Variants in PUDP observed in about 807,000 individuals in gnomAD.
PUDP encodes pseudouridine-5'-phosphatase.
PUDP carries 8 observed loss-of-function variants against 9.4 expected under a neutral mutation model. That is an observed-to-expected ratio of 0.85 (90% CI 0.50 to 1.53). PUDP has a LOEUF of 1.53. Among genes scored for constraint, PUDP ranks in the 40% most tolerant of loss-of-function variants. PUDP has a pLI of 0.00. For missense variants in PUDP, 188 were observed against 189.7 expected (o/e 0.99, Z 0.05); for synonymous variants, 99 against 80.7 (o/e 1.23, Z -1.22).
At position 7,040,315 on chromosome X, in the gene PUDP, G is replaced by C. The variant is rs1157342375; in HGVS notation, c.204+36905C>G. ...TGTGCCTACCCGGAGCTGGGGGTCT[G>C]CTCTAGGAGCTGGTTCAGGACAGGT... On this transcript the variant is annotated intron_variant and NMD_transcript_variant, in intron 1 of 3. Coordinates refer to the PUDP transcript ENST00000655425. 5.4e-5 allele frequency among the ~76,000 whole-genome samples: 6 copies of C among 111,880 alleles called. No homozygotes were observed. The South Asian group carries it at 1.1e-3, about 21-fold the overall frequency.
chrX:7,072,809 G>C (rs1261412127), intron 3 of PUDP, among the ~76,000 whole-genome samples: 1 of 78,701 alleles, frequency 1.3e-5, no homozygotes, highest in East Asian at 4.5e-4. Context: ...GCAAGACTGT[G>C]TCTCAAAAAA....
intron 3 of PUDP, among the ~76,000 whole-genome samples, chrX:6,802,818 G>T (rs72609550): frequency 9.3e-6 from 1 of 107,613 alleles, no homozygotes; most frequent in Non-Finnish European, 1.9e-5. Context: ...CTGGGAGGCG[G>T]AAGTTGCAGT....
intron 1 of PUDP, among the ~76,000 whole-genome samples, chrX:7,023,349 A>T (rs1448411844): frequency 8.9e-6 from 1 of 112,256 alleles, no homozygotes; most frequent in Non-Finnish European, 1.9e-5. Flanking sequence ...GCAGGAAAAA[A>T]TGATACATAA....
At chrX:7,104,680 C>G (rs888640062) in intron 2 of PUDP, among the ~76,000 whole-genome samples, 1 of 111,466 alleles carries the variant, frequency 9.0e-6, no homozygotes, top group Non-Finnish European at 1.9e-5. Flanking sequence ...CTGAGTATCA[C>G]GATGCTCGTA....
At chrX:7,124,856 G>C (rs1260859353) in intron 1 of PUDP, among the ~76,000 whole-genome samples, 1 of 109,445 alleles carries the variant, frequency 9.1e-6, no homozygotes, top group Non-Finnish European at 1.9e-5. Flanking sequence ...GCTGAGGCAG[G>C]AGAATGGCGT....
chrX:6,886,063 C>T (rs1310386163), intron 3 of PUDP, among the ~76,000 whole-genome samples: 1 of 112,172 alleles, frequency 8.9e-6, no homozygotes, highest in Non-Finnish European at 1.9e-5. Flanking sequence ...ATTGCTATCA[C>T]GGTTCCCTGG....
chrX:6,735,792 G>C (rs1391932477), intron 3 of PUDP, among the ~76,000 whole-genome samples: 1 of 110,863 alleles, frequency 9.0e-6, no homozygotes, highest in East Asian at 2.8e-4. Context: ...TTTCCAAATA[G>C]GGAGGCCAAA....
At chrX:7,051,054 A>G (rs1387129494) in intron 3 of PUDP, among the ~76,000 whole-genome samples, 1 of 111,690 alleles carries the variant, frequency 9.0e-6, no homozygotes, top group African/African-American at 3.3e-5. Flanking sequence ...TTACAGACAC[A>G]ACACCATCCA....
At chrX:7,125,653 G>A (rs1932465442) in intron 1 of PUDP, among the ~76,000 whole-genome samples, 1 of 111,827 alleles carries the variant, frequency 8.9e-6, no homozygotes. Flanking sequence ...CTGAGAATGG[G>A]TAATTTATAA....
intron 3 of PUDP, among the ~76,000 whole-genome samples, chrX:6,816,253 T>G (rs1204228634): frequency 9.5e-6 from 1 of 105,663 alleles, no homozygotes; most frequent in African/African-American, 3.4e-5. Context: ...ATATGCAGTG[T>G]ATATATATTA....
chrX:7,041,570 G>T (rs1200602360), intron 1 of PUDP, among the ~76,000 whole-genome samples: 1 of 111,769 alleles, frequency 8.9e-6, no homozygotes, highest in Non-Finnish European at 1.9e-5. Context: ...GAGTTTAAAA[G>T]CTTCCCCTCC....
At chrX:6,809,708 T>C (rs1926111069) in intron 3 of PUDP, among the ~76,000 whole-genome samples, 1 of 111,332 alleles carries the variant, frequency 9.0e-6, no homozygotes, top group Admixed American at 9.6e-5. Flanking sequence ...GTCAAGATAA[T>C]ATGCAAACCA....
intron 1 of PUDP, among the ~76,000 whole-genome samples, chrX:7,115,615 T>A (rs973953767): frequency 2.9e-4 from 33 of 112,278 alleles, no homozygotes; most frequent in African/African-American, 1.1e-3. Flanking sequence ...ACAGCTGGGG[T>A]TGCCTTGGGC....
At chrX:6,724,023 A>G (rs1409857399), upstream of PUDP, among the ~76,000 whole-genome samples, 1 of 111,862 alleles carries the variant, frequency 8.9e-6, no homozygotes, top group Non-Finnish European at 1.9e-5. Flanking sequence ...AAAATTGGAA[A>G]GAAATCTGTT....
downstream of PUDP, among the ~76,000 whole-genome samples, chrX:7,044,231 AT>A (rs985550481): frequency 1.8e-5 from 2 of 112,507 alleles, no homozygotes; most frequent in African/African-American, 6.5e-5. Flanking sequence ...AAGGCTTAGT[AT>A]TTCCCCAAGT....
chrX:7,122,647 A>G (rs1932374809), intron 1 of PUDP, among the ~76,000 whole-genome samples: 1 of 111,882 alleles, frequency 8.9e-6, no homozygotes, highest in African/African-American at 3.2e-5. Flanking sequence ...TTTCCAGGGC[A>G]AACAGCTATC....
At chrX:7,101,362 G>C (rs1242267460) in intron 2 of PUDP, among the ~76,000 whole-genome samples, 1 of 111,524 alleles carries the variant, frequency 9.0e-6, no homozygotes, top group African/African-American at 3.3e-5. Flanking sequence ...AAGTTCTATA[G>C]GACTGAACTA....
At chrX:6,819,827 A>G (rs1926309618) in intron 3 of PUDP, among the ~76,000 whole-genome samples, 1 of 111,597 alleles carries the variant, frequency 9.0e-6, no homozygotes, top group African/African-American at 3.3e-5. Flanking sequence ...TACCAGCTGC[A>G]TAATATTTTG....
chrX:6,846,138 T>G (rs1926741775), intron 3 of PUDP, among the ~76,000 whole-genome samples: 1 of 111,713 alleles, frequency 9.0e-6, no homozygotes, highest in Admixed American at 9.5e-5. Context: ...AAATTTTTTT[T>G]GAAAAGTGTC....
Sources: allele counts gnomAD v4.1 joint callset (sites outside exome capture counted in the v4.1 genomes callset), GRCh38; gene constraint gnomAD v4.1.1; transcripts MANE v1.5; gene names NCBI Gene and HGNC (gene_info 2026-07-23, HGNC 2026-07-21).